The following CCDC187 variants were observed in gnomAD, a reference collection of about 807,000 sequenced individuals.
The protein encoded by CCDC187 is coiled-coil domain-containing protein 187.
In CCDC187, 32 loss-of-function variants were observed where a neutral mutation model predicts 38.0. That is an observed-to-expected ratio of 0.84 (90% confidence interval 0.64 to 1.13). The LOEUF (loss-of-function observed/expected upper bound fraction) is 1.13. Among genes scored for constraint, CCDC187 ranks in the 50% most tolerant of loss-of-function variants. The pLI is 0.00. For missense variants in CCDC187, 707 were observed against 786.8 expected, an observed-to-expected ratio of 0.90 and a Z score of 1.21; for synonymous variants, 333 against 347.9, an observed-to-expected ratio of 0.96 and a Z score of 0.48.
chr9:136,302,207 G>T (rs1484998105), intron 2 of CCDC187, among the ~76,000 whole-genome samples: 9 of 152,148 alleles, frequency 5.9e-5, no homozygotes, highest in African/African-American at 2.2e-4. Flanking sequence ...AAAAATAAAT[G>T]TAAAATTAAA....
intron 9 of CCDC187, among the ~76,000 whole-genome samples, chr9:136,283,172 T>C (rs889135094): frequency 7.9e-5 from 12 of 152,140 alleles, no homozygotes; most frequent in Non-Finnish European, 1.6e-4. Flanking sequence ...TCGCTTGAAC[T>C]TGGGAGGCGG....
At chr9:136,268,879 G>T (rs560955734) in intron 14 of CCDC187, among the ~76,000 whole-genome samples, 5 of 152,320 alleles carry the variant, frequency 3.3e-5, no homozygotes, top group African/African-American at 9.6e-5. Context: ...CTGCCTCAGA[G>T]AGTTGCCAGG....
chr9:136,280,553 C>G (rs1379719910), intron 10 of CCDC187, among the ~76,000 whole-genome samples: 1 of 152,210 alleles, frequency 6.6e-6, no homozygotes, highest in African/African-American at 2.4e-5. Context: ...TCTGCTGGTC[C>G]ACAGAGAACA....
chr9:136,291,951 A>C (rs1831341526), intron 5 of CCDC187, among the ~76,000 whole-genome samples: 1 of 152,248 alleles, frequency 6.6e-6, no homozygotes, highest in Non-Finnish European at 1.5e-5. Flanking sequence ...TCCCAGGGCC[A>C]GAAACCCTTT....
At chr9:136,270,808 G>A (rs1482988595) in intron 14 of CCDC187, among the ~76,000 whole-genome samples, 1 of 152,166 alleles carries the variant, frequency 6.6e-6, no homozygotes, top group African/African-American at 2.4e-5. Flanking sequence ...ATGCGGGTGT[G>A]ACAGAGGCCT....
Position 136,281,636 on chromosome 9 carries a change from G to A in CCDC187, c.2955C>T (p.His985=). 2 of 398,686 alleles carry A rather than the reference G, an allele frequency of 5.0e-6. No homozygotes were observed. Among genetic ancestry groups the A allele is most frequent in the Non-Finnish European group, 8.8e-6 (2 of 226,084 alleles). 24.7% of individuals were successfully genotyped at this position (398,686 alleles called of 1,614,324 possible). The part of the protein sequence containing the change: ...GSSYAGPATL[H]PIWGSLGLEE... The stretch of plus-strand genomic sequence containing the variant: ...CCAGTCCCAGGGAGCCCCAGATAGG[G>A]TGCAGCGTGGCTGGGCCCGCATATG... The change falls in exon 10 of 26, where the codon CAC becomes CAT. Residue 985 remains histidine, a synonymous_variant. Transcript: ENST00000638797.
chr9:136,277,888 C>T (rs1409557786), intron 10 of CCDC187, among the ~76,000 whole-genome samples: 12 of 152,346 alleles, frequency 7.9e-5, no homozygotes, highest in African/African-American at 2.2e-4. Context: ...CCGGCAGCTC[C>T]TCCAGTGGAC....
intron 4 of CCDC187, among the ~76,000 whole-genome samples, chr9:136,296,828 C>G (rs1483616509): frequency 6.6e-6 from 1 of 152,194 alleles, no homozygotes; most frequent in African/African-American, 2.4e-5. Flanking sequence ...CCACTGGGAT[C>G]CACCCACAGG....
chr9:136,291,620 G>T lies in CCDC187; in HGVS notation c.993C>A (p.Ala331=), dbSNP rs978001787. The T allele has an allele frequency of 7.5e-6, 3 of 398,700 alleles. No homozygotes were observed. The highest frequency in any genetic ancestry group is 7.1e-5 in the East Asian group (2 of 28,092). The allele number at this position is 398,700 out of a possible 1,614,324, so 24.7% of individuals were successfully genotyped here. A position where few individuals can be genotyped will look rare whatever the true frequency, so the allele number is the denominator to read the frequency against. The change falls in exon 6 of 26, where the codon GCC becomes GCA. Residue 331 remains alanine, a synonymous_variant. Coordinates refer to ENST00000638797, the MANE Select transcript of CCDC187 (RefSeq NM_001378188.1). ...DLGDSEKVIA[A]KCSPVCAQLP... is the part of the protein sequence containing the mutation. Reference sequence around the variant, plus strand: ...ACTGGGCACAAACCGGTGAGCACTTGGCAGCTATGACTTTCTCGCTGTCTC... The same window carrying T: ...ACTGGGCACAAACCGGTGAGCACTTTGCAGCTATGACTTTCTCGCTGTCTC...
At chr9:136,281,245 A>T (rs2131246686) in intron 10 of CCDC187, 2 of 397,132 alleles carry the variant, frequency 5.0e-6, no homozygotes, top group East Asian at 7.1e-5. Flanking sequence ...AGCTGATGGG[A>T]CTGTAAGGAA....
rs868942121 is a variant in CCDC187 at position 136,252,605 on chromosome 9, G to A, written c.*989C>T. The A allele has an allele frequency of 2.1e-4, 35 of 168,012 alleles. No homozygotes were observed. The highest frequency in any genetic ancestry group is 5.6e-3 in the Middle Eastern group (2 of 360). The allele number at this position is 168,012 out of a possible 1,614,324, so 10.4% of individuals were successfully genotyped here. A position where few individuals can be genotyped will look rare whatever the true frequency, so the allele number is the denominator to read the frequency against. Reference sequence around the variant, plus strand: ...GCCGGTCCACCCTGGGAAAGTCCAGGCCTCTAGGTTCTTACTCCCACGTGT... The same window carrying A: ...GCCGGTCCACCCTGGGAAAGTCCAGACCTCTAGGTTCTTACTCCCACGTGT... On this transcript the variant is annotated 3_prime_UTR_variant, in exon 26 of 26. Transcript: ENST00000638797.
At chr9:136,294,186 G>A (rs1381333521) in intron 4 of CCDC187, among the ~76,000 whole-genome samples, 10 of 129,916 alleles carry the variant, frequency 7.7e-5, no homozygotes, top group East Asian at 7.4e-4. Flanking sequence ...ATATACACAC[G>A]CCCTCACATG....
Position 136,268,078 on chromosome 9 carries a change from A to T in CCDC187, c.3490T>A (p.Phe1164Ile). ...GALSQLPLAKFFPPDNPTHQM... is the reference protein window; with the variant it reads ...GALSQLPLAKIFPPDNPTHQM... ...TGGGTGGGGTTGTCCGGAGGGAAGA[A>T]CTTGGCCAGGGGAAGCTGGGAGAGG... Residue 1164 changes from phenylalanine to isoleucine, a missense_variant, in exon 15 of 26, where the codon TTC becomes ATC. Coordinates refer to ENST00000638797, the MANE Select transcript of CCDC187 (RefSeq NM_001378188.1). 3.0e-6 allele frequency: 3 copies of T among 985,520 alleles called. No individual in the cohort carries two copies. In the South Asian group the frequency reaches 1.4e-4, roughly 46 times the overall value. 61.0% of individuals were successfully genotyped at this position (985,520 alleles called of 1,614,324 possible).
At chr9:136,288,106 C>T (rs1169587065) in intron 7 of CCDC187, among the ~76,000 whole-genome samples, 1 of 152,100 alleles carries the variant, frequency 6.6e-6, no homozygotes, top group African/African-American at 2.4e-5. Context: ...GTCAAGCAAA[C>T]GGAGCCCGAC....
chr9:136,301,472 G>A (rs1464565299), intron 2 of CCDC187, among the ~76,000 whole-genome samples: 1 of 152,032 alleles, frequency 6.6e-6, no homozygotes, highest in Non-Finnish European at 1.5e-5. Context: ...TTGGGAAGAT[G>A]AACAGTCCTG....
At position 136,285,616 on chromosome 9, in the gene CCDC187, G is replaced by A. The variant is rs1831160511; in HGVS notation, c.2834-10C>T. The A allele has an allele frequency of 2.5e-6, 1 of 400,222 alleles. No homozygotes were observed. The highest frequency in any genetic ancestry group is 4.4e-6 in the Non-Finnish European group (1 of 226,924). 24.8% of individuals were successfully genotyped at this position (400,222 alleles called of 1,614,324 possible). A position where few individuals can be genotyped will look rare whatever the true frequency, so the allele number is the denominator to read the frequency against. ...CCCTCCTCTGGAAAACCTTGGAGAA[G>A]AGGGCACCTGGCTTCACTCCCTGGT... On this transcript the variant is annotated splice_polypyrimidine_tract_variant and intron_variant, in intron 8 of 25. Transcript: ENST00000638797.
chr9:136,268,187 C>T, intron 14 of CCDC187, 62 bp from the exon 15 acceptor site: 1 of 951,510 alleles, frequency 1.1e-6, no homozygotes, highest in South Asian at 4.8e-5. Context: ...TGTCAGGGGC[C>T]ATTTCTACCG....
At chr9:136,267,301 A>AGG in intron 16 of CCDC187, 83 bp downstream of exon 16, 3 of 789,790 alleles carry the variant, frequency 3.8e-6, no homozygotes, top group Non-Finnish European at 2.8e-6. Flanking sequence ...CGGGGCAGGG[A>AGG]GGGGGCGGGG....
At chr9:136,274,286 C>G (rs893952848) in intron 14 of CCDC187, among the ~76,000 whole-genome samples, 1 of 152,264 alleles carries the variant, frequency 6.6e-6, no homozygotes, top group Non-Finnish European at 1.5e-5. Flanking sequence ...GCCGCATTCA[C>G]CCTCCCTGGG....
Sources: allele counts gnomAD v4.1 joint callset (sites outside exome capture counted in the v4.1 genomes callset), GRCh38; gene constraint gnomAD v4.1.1; transcripts MANE v1.5; gene names NCBI Gene and HGNC (gene_info 2026-07-23, HGNC 2026-07-21).